Variants in SLC20A2 observed in about 807,000 individuals in gnomAD.
The protein encoded by SLC20A2 is solute carrier family 20 member 2.
A neutral mutation model predicts 61.0 loss-of-function variants in SLC20A2; 30 were observed. The ratio of observed to expected loss-of-function variants is 0.49; its 90% CI spans 0.37 to 0.67. The LOEUF is 0.67. Ranked by LOEUF, SLC20A2 falls within the 30% of genes least tolerant of loss-of-function variation. The probability of loss-of-function intolerance (pLI) is 0.00; values close to 1 mark genes in which losing one functional copy is unlikely to be tolerated. For missense variants in SLC20A2, 626 were observed against 866.4 expected, an observed-to-expected ratio of 0.72 and a Z score of 3.48; for synonymous variants, 351 against 353.3, an observed-to-expected ratio of 0.99 and a Z score of 0.07.
At chr8:42,455,255 TATAGAGAGAGAG>T (rs1303851303) in intron 5 of SLC20A2, among the ~76,000 whole-genome samples, 385 of 97,016 alleles carry the variant, frequency 4.0e-3, no homozygotes, top group Non-Finnish European at 6.3e-3. Flanking sequence ...TATATATATA[TATAGAGAGAGAG>T]AGAGAGAGAG....
intron 1 of SLC20A2, among the ~76,000 whole-genome samples, chr8:42,495,244 G>T (rs908404155): frequency 1.3e-5 from 2 of 152,148 alleles, no homozygotes; most frequent in Admixed American, 6.5e-5. Flanking sequence ...ACCAAGAAAA[G>T]AATGACTATT....
chr8:42,507,649 T>A (rs1459851619), intron 1 of SLC20A2, among the ~76,000 whole-genome samples: 1 of 152,216 alleles, frequency 6.6e-6, no homozygotes, highest in Non-Finnish European at 1.5e-5. Context: ...TCCCAAGCAT[T>A]TGCAAGATTT....
chr8:42,459,845 T>C (rs1441775155), intron 5 of SLC20A2, 51 bp downstream of exon 5: 6 of 1,188,072 alleles, frequency 5.1e-6, no homozygotes, highest in Non-Finnish European at 7.5e-6. Context: ...ACTGATACTG[T>C]TAGAATACAA....
intron 1 of SLC20A2, among the ~76,000 whole-genome samples, chr8:42,479,044 G>A (rs1304417155): frequency 3.9e-5 from 6 of 152,070 alleles, no homozygotes; most frequent in Admixed American, 2.0e-4. Flanking sequence ...GGAGGGGCTC[G>A]GGACATGACT....
Position 42,437,120 on chromosome 8 carries a change from G to A in SLC20A2, c.1392C>T (p.Asp464=). The A allele has an allele frequency of 6.2e-7, 1 of 1,613,888 alleles. No individual in the cohort carries two copies. The highest frequency in any genetic ancestry group is 8.5e-7 in the Non-Finnish European group (1 of 1,180,028). The change falls in exon 8 of 11, where the codon GAC becomes GAT. Residue 464 remains aspartate (D), a synonymous_variant. Transcript: ENST00000520262. The surrounding 1 kb of genome is among the most constrained non-coding windows in gnomAD (Gnocchi z 6.4). ...CCTCTGCAGGGTCCTCTCGCGGCTG[G>A]TCAGGGTCGGCCAGCTCCGACGCCA... ...MKLASELADP[D]QPREDPAEEE...
chr8:42,494,359 AAT>A (rs1338071206), intron 1 of SLC20A2, among the ~76,000 whole-genome samples: 2 of 152,190 alleles, frequency 1.3e-5, no homozygotes, highest in South Asian at 2.1e-4. Context: ...AATTAATTAA[AAT>A]AGTTACTTTT....
intron 1 of SLC20A2, among the ~76,000 whole-genome samples, chr8:42,533,654 C>CTTTTTTTTTTTTTTTTTTTT (rs1162369065): frequency 4.2e-4 from 23 of 55,290 alleles, no homozygotes; most frequent in East Asian, 5.3e-4. Context: ...ATCAACTGTT[C>CTTTTTTTTTTTTTTTTTTTT]TTTTTTTTTT....
intron 5 of SLC20A2, among the ~76,000 whole-genome samples, chr8:42,451,625 A>G (rs1468702252): frequency 2.3e-5 from 3 of 128,776 alleles, no homozygotes; most frequent in Non-Finnish European, 3.3e-5. Context: ...GAAGAGGAGG[A>G]GGAGGAAGAG....
At chr8:42,502,511 T>C (rs996921173), upstream of SLC20A2, 26 of 152,298 alleles carry the variant, frequency 1.7e-4, no homozygotes, top group African/African-American at 5.8e-4. Flanking sequence ...TGCAGCCTGC[T>C]GCCCAAAGCA....
chr8:42,494,357 A>G lies in SLC20A2; in HGVS notation c.-265+6674T>C, dbSNP rs142290820. ...TATAAAGTCAAAATAAAAATTAATT[A>G]AAATAGTTACTTTTTAAAGAGAAAG... is the stretch of plus-strand genomic sequence containing the variant. On this transcript the variant is annotated intron_variant, in intron 1 of 10. Transcript: ENST00000520262. 8.3e-3 allele frequency among the ~76,000 whole-genome samples: 1,260 copies of G among 152,350 alleles called. 9 individuals carry two copies. Among genetic ancestry groups the G allele is most frequent in the African/African-American group, 0.029 (1,208 of 41,588 alleles).
intron 5 of SLC20A2, among the ~76,000 whole-genome samples, chr8:42,448,762 C>T (rs556182305): frequency 6.6e-6 from 1 of 151,072 alleles, no homozygotes; most frequent in African/African-American, 2.4e-5. Flanking sequence ...TCTGGGAAAA[C>T]AGGGGAAGCT....
At chr8:42,426,859 C>A (rs1285217561) in intron 10 of SLC20A2, among the ~76,000 whole-genome samples, 3 of 152,248 alleles carry the variant, frequency 2.0e-5, no homozygotes, top group Non-Finnish European at 2.9e-5. Context: ...ATAGAAAAGT[C>A]ATAAGCCCGT....
At chr8:42,464,606 G>A (rs1226710709) in intron 3 of SLC20A2, among the ~76,000 whole-genome samples, 4 of 152,232 alleles carry the variant, frequency 2.6e-5, no homozygotes, top group Admixed American at 2.0e-4. Flanking sequence ...TTCCAAAGCT[G>A]GATGACAAGG....
chr8:42,524,650 G>A (rs1811802533), intron 1 of SLC20A2, among the ~76,000 whole-genome samples: 1 of 152,072 alleles, frequency 6.6e-6, no homozygotes, highest in Non-Finnish European at 1.5e-5. Flanking sequence ...GCCAGTTGTG[G>A]TGGCGAGCGC....
At chr8:42,490,336 G>A (rs189018093) in intron 1 of SLC20A2, among the ~76,000 whole-genome samples, 4,596 of 152,212 alleles carry the variant, frequency 0.03, 99 homozygotes, top group Middle Eastern at 0.054. Flanking sequence ...GGTGGCTCAC[G>A]CCTGTAATCC....
intron 1 of SLC20A2, among the ~76,000 whole-genome samples, chr8:42,513,653 T>A (rs1227432554): frequency 6.6e-6 from 1 of 152,178 alleles, no homozygotes; most frequent in Non-Finnish European, 1.5e-5. Context: ...CATTTATCCA[T>A]CAGGCTCTCA....
intron 5 of SLC20A2, among the ~76,000 whole-genome samples, chr8:42,456,475 C>A (rs1006035669): frequency 1.2e-4 from 19 of 152,096 alleles, no homozygotes; most frequent in African/African-American, 4.3e-4. Flanking sequence ...GTGGCTCATG[C>A]CTGTAATCCC....
At chr8:42,540,322 G>A (rs970645191) in intron 1 of SLC20A2, among the ~76,000 whole-genome samples, 1 of 152,174 alleles carries the variant, frequency 6.6e-6, no homozygotes, top group Admixed American at 6.5e-5. Context: ...TAATGTACAC[G>A]TTTCACATTT....
chr8:42,451,594 GGAGGAGGAGGAGGAAGAGATGAA>G (rs1311009704), intron 5 of SLC20A2, among the ~76,000 whole-genome samples: 20 of 129,898 alleles, frequency 1.5e-4, no homozygotes, highest in East Asian at 1.3e-3. Context: ...AGGAAGAGAT[GGAGGAGGAGGAGGAAGAGATGAA>G]GAGGAGGAGG....
Sources: gnomAD v4.1 joint callset for allele counts (sites outside exome capture counted in the v4.1 genomes callset) on GRCh38, gnomAD v4.1.1 for gene constraint, Gnocchi (gnomAD v3.1) non-coding constraint, MANE v1.5 for transcripts, NCBI Gene and HGNC (gene_info 2026-07-23, HGNC 2026-07-21) for gene names.